Variants in OR2Z1 observed in about 807,000 individuals in gnomAD.
The protein encoded by OR2Z1 is olfactory receptor family 2 subfamily Z member 1, also known as olfactory receptor 2Z1.
For synonymous variants in OR2Z1, 188 were observed against 160.6 expected, an observed-to-expected ratio of 1.17 and a Z score of -1.29; for missense variants, 449 against 401.8, an observed-to-expected ratio of 1.12 and a Z score of -1.00.
chr19:8,730,444 G>C (rs945695508), intron 2 of OR2Z1, among the ~76,000 whole-genome samples: 18 of 151,810 alleles, frequency 1.2e-4, no homozygotes, highest in African/African-American at 4.3e-4. Flanking sequence ...TTTTGAGATG[G>C]AGTCTCGCTC....
Position 8,731,364 on chromosome 19 carries a change from C to A in OR2Z1, c.336C>A (p.Gly112=), listed in dbSNP as rs371388790. Residue 112 remains glycine, a synonymous_variant, in exon 3 of 3, where the codon GGC becomes GGA. Coordinates refer to ENST00000641125, the MANE Select transcript of OR2Z1 (RefSeq NM_001004699.3). ...TCACACTGATGGGTGTGGCTGAGGG[C>A]GTCCTGTTGGTCCTCATGTCTTATG... ...FFLTLMGVAE[G]VLLVLMSYDR... 59 of 1,613,896 alleles carry A rather than the reference C, an allele frequency of 3.7e-5. No homozygotes were observed. Among genetic ancestry groups the A allele is most frequent in the Non-Finnish European group, 4.8e-5 (57 of 1,179,986 alleles).
intron 2 of OR2Z1, chr19:8,729,143 G>A (rs187999857): frequency 3.7e-5 from 46 of 1,255,894 alleles, no homozygotes; most frequent in Admixed American, 2.3e-4. Context: ...GGCCTTTAAA[G>A]CCTTCACTTT....
Position 8,731,612 on chromosome 19 carries a change from A to G in OR2Z1, c.584A>G (p.Tyr195Cys). Reference protein sequence around the residue: ...LKLSCADTCAYEMALSTSGVL... With the variant: ...LKLSCADTCACEMALSTSGVL... Reference sequence around the variant, plus strand: ...CTCTCCTGTGCAGATACCTGTGCCTACGAGATGGCGCTGTCCACCTCAGGG... The same window carrying G: ...CTCTCCTGTGCAGATACCTGTGCCTGCGAGATGGCGCTGTCCACCTCAGGG... Residue 195 changes from tyrosine (Y) to cysteine (C), a missense_variant, in exon 3 of 3, where the codon TAC becomes TGC. Physicochemically the swap from Tyr to Cys is radical, Grantham distance 194. Transcript: ENST00000641125. 6.2e-7 allele frequency: 1 copy of G among 1,613,802 alleles called. No homozygotes were observed. The highest frequency in any genetic ancestry group is 8.5e-7 in the Non-Finnish European group (1 of 1,179,980).
intron 2 of OR2Z1, among the ~76,000 whole-genome samples, chr19:8,725,153 A>G (rs2043322412): frequency 6.6e-6 from 1 of 152,192 alleles, no homozygotes; most frequent in Admixed American, 6.6e-5. Flanking sequence ...TGCTGAAATG[A>G]GTTCAACAAT....
chr19:8,730,601 G>C (rs2043347765), intron 2 of OR2Z1, among the ~76,000 whole-genome samples: 2 of 152,028 alleles, frequency 1.3e-5, no homozygotes, highest in South Asian at 4.2e-4. Flanking sequence ...TGTACTTTTA[G>C]TAGAGACGAG....
intron 2 of OR2Z1, among the ~76,000 whole-genome samples, chr19:8,729,434 A>C: frequency 6.8e-6 from 1 of 147,296 alleles, no homozygotes; most frequent in Non-Finnish European, 1.5e-5. Context: ...TTTCTAAGAC[A>C]AGGTCTTGCT....
chr19:8,729,100 G>C (rs2043339841), intron 2 of OR2Z1: 2 of 1,191,728 alleles, frequency 1.7e-6, no homozygotes, highest in Admixed American at 3.5e-5. Flanking sequence ...CTTTTTTTTA[G>C]TGGCTGTGGA....
Position 8,731,862 on chromosome 19 carries a change from T to G in OR2Z1, c.834T>G (p.Tyr278Ter). 1.9e-6 allele frequency: 3 copies of G among 1,614,200 alleles called. No homozygotes were observed. Among genetic ancestry groups the G allele is most frequent in the Non-Finnish European group, 2.5e-6 (3 of 1,180,032 alleles). The change falls in exon 3 of 3, where the codon TAT (tyrosine) becomes TAG (stop). Residue 278 changes from tyrosine (Y) to a stop codon, truncating the protein, a stop_gained. Transcript: ENST00000641125. LOFTEE classifies it low-confidence loss of function (END_TRUNC). The part of the protein sequence containing the change: ...PQQDNVVSLF[Y>*]SLVTPTLNPL... ...AGGATAACGTGGTTTCCCTCTTCTA[T>G]AGCCTTGTCACCCCTACACTCAACC...
In OR2Z1 at chr19:8,731,138, T is replaced by C. The variant is rs782281829; in HGVS notation, c.110T>C (p.Ile37Thr). The C allele has an allele frequency of 2.5e-6, 4 of 1,614,128 alleles. No individual in the cohort carries two copies. The South Asian group carries it at 3.3e-5, about 13-fold the overall frequency. ...TCCCTGGTGGCTGTCATGTTTGTCA[T>C]AGGCCTTCTGGGCAACACCGTTCTT... The part of the protein sequence containing the change: ...LFSLVAVMFV[I>T]GLLGNTVLLF... The change falls in exon 3 of 3, where the codon ATA becomes ACA. Residue 37 changes from isoleucine to threonine, a missense_variant. Transcript: ENST00000641125.
chr19:8,727,214 G>A (rs1599208311), intron 2 of OR2Z1, among the ~76,000 whole-genome samples: 2 of 152,160 alleles, frequency 1.3e-5, no homozygotes, highest in South Asian at 4.1e-4. Context: ...AAAGTGCTGG[G>A]ATTACAGACG....
chr19:8,731,873 C>T lies in OR2Z1; in HGVS notation c.845C>T (p.Thr282Ile), dbSNP rs548312485. The change falls in exon 3 of 3, where the codon ACC (threonine) becomes ATC (isoleucine). Residue 282 changes from threonine (T) to isoleucine (I), a missense_variant. Physicochemically the swap from Thr to Ile is moderately conservative, Grantham distance 89. Coordinates refer to ENST00000641125, the MANE Select transcript of OR2Z1 (RefSeq NM_001004699.3). ...NVVSLFYSLVTPTLNPLIYSL... is the reference protein window; with the variant it reads ...NVVSLFYSLVIPTLNPLIYSL... ...GTTTCCCTCTTCTATAGCCTTGTCA[C>T]CCCTACACTCAACCCCCTTATCTAC... is the stretch of plus-strand genomic sequence containing the variant. 361 of 1,614,198 alleles carry T rather than the reference C, an allele frequency of 2.2e-4. 7 individuals carry two copies. In the South Asian group the frequency reaches 3.9e-3, roughly 17 times the overall value.
chr19:8,723,178 G>C (rs548724170), intron 2 of OR2Z1, 28 bp downstream of exon 2: 2 of 152,304 alleles, frequency 1.3e-5, no homozygotes, highest in Admixed American at 1.3e-4. Flanking sequence ...CAGGAGTGTT[G>C]CCTGGGTTTC....
At chr19:8,728,719 G>T (rs2043337993) in intron 2 of OR2Z1, 7 of 571,042 alleles carry the variant, frequency 1.2e-5, no homozygotes, top group Non-Finnish European at 2.4e-5. Flanking sequence ...TTTAGAATTA[G>T]CCAGCTGGAC....
intron 2 of OR2Z1, among the ~76,000 whole-genome samples, chr19:8,730,231 A>G (rs2043346038): frequency 6.6e-6 from 1 of 152,116 alleles, no homozygotes; most frequent in African/African-American, 2.4e-5. Context: ...TCTTTGCTTC[A>G]GATTCTCATC....
Position 8,723,994 on chromosome 19 carries a change from GTGTGTGTGTGTGTGTGTA to G in OR2Z1, c.-170+862_-170+879del, listed in dbSNP as rs1164120125. ...TGTGTGTGTGTGTGTGTGTGTGTGT[GTGTGTGTGTGTGTGTGTA>G]TGTGTGTGTGTGTGTGTGAAGCAAA... On this transcript the variant is annotated intron_variant, in intron 2 of 2. Coordinates refer to ENST00000641125, the MANE Select transcript of OR2Z1 (RefSeq NM_001004699.3). Among the ~76,000 whole-genome samples the G allele has an allele frequency of 4.5e-3, 622 of 139,752 alleles. 6 individuals carry two copies. The highest frequency in any genetic ancestry group is 0.019 in the African/African-American group (597 of 30,844). 91.7% of individuals were successfully genotyped at this position (139,752 alleles called of 152,430 possible). A position where few individuals can be genotyped will look rare whatever the true frequency, so the allele number is the denominator to read the frequency against.
At position 8,721,857 on chromosome 19, in the gene OR2Z1, TC is replaced by T. The variant is rs2043309186; in HGVS notation, c.-399del. On this transcript the variant is annotated 5_prime_UTR_variant, in exon 1 of 3. It introduces an in-frame stop codon into an upstream open reading frame of the 5' UTR. Coordinates refer to ENST00000641125, the MANE Select transcript of OR2Z1 (RefSeq NM_001004699.3). ...GGCTGGAAGCACCTTCAGCTCACTT[TC>T]TGGAGACTGTGACCATCCTACAACA... 2 of 152,232 alleles carry T rather than the reference TC, an allele frequency of 1.3e-5. No homozygotes were observed. The highest frequency in any genetic ancestry group is 1.3e-4 in the Admixed American group (2 of 15,274). 9.4% of individuals were successfully genotyped at this position (152,232 alleles called of 1,614,324 possible).
chr19:8,731,355 G>A lies in OR2Z1; in HGVS notation c.327G>A (p.Val109=), dbSNP rs141082330. 13 of 1,613,976 alleles carry A rather than the reference G, an allele frequency of 8.1e-6. No homozygotes were observed. The highest frequency in any genetic ancestry group is 1.0e-5 in the Non-Finnish European group (12 of 1,180,024). ...AQIFFLTLMG[V]AEGVLLVLMS... ...TATTCTTCCTCACACTGATGGGTGT[G>A]GCTGAGGGCGTCCTGTTGGTCCTCA... The change falls in exon 3 of 3, where the codon GTG becomes GTA. Residue 109 remains valine (V), a synonymous_variant. Transcript: ENST00000641125.
In OR2Z1 at chr19:8,730,971, C is replaced by T. The variant is rs148196432; in HGVS notation, c.-58C>T. 26 of 1,404,224 alleles carry T rather than the reference C, an allele frequency of 1.9e-5. No homozygotes were observed. The African/African-American group carries it at 2.8e-4, about 15-fold the overall frequency. 87.0% of individuals were successfully genotyped at this position (1,404,224 alleles called of 1,614,324 possible). A position where few individuals can be genotyped will look rare whatever the true frequency, so the allele number is the denominator to read the frequency against. ...GATGAAAATTATTTGCCACCCCATGCAGGCTTCTTGCCATAGTTCAGCTGT... is the reference window on the plus strand; with the variant it reads ...GATGAAAATTATTTGCCACCCCATGTAGGCTTCTTGCCATAGTTCAGCTGT... On this transcript the variant is annotated 5_prime_UTR_variant, in exon 3 of 3. An upstream open reading frame in the 5' UTR gains an earlier in-frame stop. Transcript: ENST00000641125.
chr19:8,731,808 G>T lies in OR2Z1; in HGVS notation c.780G>T (p.Met260Ile). ...LFYGAAVFMY[M>I]VPCAYHSPQQ... Reference sequence around the variant, plus strand: ...ATGGTGCCGCCGTGTTCATGTACATGGTGCCTTGCGCCTACCACAGTCCAC... The same window carrying T: ...ATGGTGCCGCCGTGTTCATGTACATTGTGCCTTGCGCCTACCACAGTCCAC... Residue 260 changes from methionine to isoleucine, a missense_variant, in exon 3 of 3, where the codon ATG (methionine) becomes ATT (isoleucine). Met to Ile is a conservative substitution (Grantham distance 10). Coordinates refer to ENST00000641125, the MANE Select transcript of OR2Z1 (RefSeq NM_001004699.3). The T allele has an allele frequency of 6.2e-7, 1 of 1,614,188 alleles. No homozygotes were observed. Among genetic ancestry groups the T allele is most frequent in the East Asian group, 2.2e-5 (1 of 44,866 alleles).
Sources: allele counts gnomAD v4.1 joint callset (sites outside exome capture counted in the v4.1 genomes callset), GRCh38; gene constraint gnomAD v4.1.1; transcripts MANE v1.5; gene names NCBI Gene and HGNC (gene_info 2026-07-23, HGNC 2026-07-21).